Variants in ZMAT4 observed in about 807,000 individuals in gnomAD.
ZMAT4 encodes zinc finger matrin-type protein 4.
ZMAT4 carries 17 observed loss-of-function variants against 28.7 expected under a neutral mutation model. The ratio of observed to expected loss-of-function variants is 0.59; its 90% CI spans 0.41 to 0.89. The LOEUF is 0.89. ZMAT4 is among the 40% of genes least tolerant of loss of function. The probability of loss-of-function intolerance (pLI) is 0.00; values close to 1 mark genes in which losing one functional copy is unlikely to be tolerated. For synonymous variants in ZMAT4, 117 were observed against 109.2 expected (o/e 1.07, Z -0.44); for missense variants, 240 against 283.8 (o/e 0.85, Z 1.11).
At chr8:40,601,613 AGAAAGAAAGAAAGAAAGAAAG>A (rs1563360629) in intron 5 of ZMAT4, among the ~76,000 whole-genome samples, 13 of 25,758 alleles carry the variant, frequency 5.0e-4, no homozygotes, top group Non-Finnish European at 6.7e-4. Context: ...AAAGAAAGAA[AGAAAGAAAGAAAGAAAGAAAG>A]AGAAAGAAAG....
intron 2 of ZMAT4, among the ~76,000 whole-genome samples, chr8:40,796,302 C>T (rs1299511938): frequency 2.0e-5 from 3 of 152,180 alleles, no homozygotes; most frequent in Non-Finnish European, 2.9e-5. Flanking sequence ...CAAGGCATAT[C>T]GCCTGCCATG....
chr8:40,701,887 T>C (rs1563421788), intron 3 of ZMAT4, among the ~76,000 whole-genome samples: 2 of 152,138 alleles, frequency 1.3e-5, no homozygotes, highest in African/African-American at 4.8e-5. Context: ...TTTGCAACTC[T>C]AGATTATATC....
At chr8:40,870,133 G>A (rs1038801568) in intron 1 of ZMAT4, among the ~76,000 whole-genome samples, 1 of 152,208 alleles carries the variant, frequency 6.6e-6, no homozygotes, top group South Asian at 2.1e-4. Flanking sequence ...AATCTGATGA[G>A]TGAATGTATC....
chr8:40,573,446 C>T (rs924173438), intron 6 of ZMAT4, among the ~76,000 whole-genome samples: 1 of 152,146 alleles, frequency 6.6e-6, no homozygotes, highest in Non-Finnish European at 1.5e-5. Flanking sequence ...TGCACTTAGC[C>T]TTCTTCTCTG....
intron 3 of ZMAT4, among the ~76,000 whole-genome samples, chr8:40,698,992 A>T (rs117839854): frequency 5.3e-5 from 8 of 152,246 alleles, no homozygotes; most frequent in Non-Finnish European, 1.2e-4. Context: ...AAGTGCTTTC[A>T]GTTTTCTCCA....
chr8:40,869,814 C>A (rs1177928013), intron 1 of ZMAT4, among the ~76,000 whole-genome samples: 1 of 152,194 alleles, frequency 6.6e-6, no homozygotes, highest in Non-Finnish European at 1.5e-5. Flanking sequence ...TTCCACACAC[C>A]TGAGCACCAT....
intron 1 of ZMAT4, among the ~76,000 whole-genome samples, chr8:40,885,577 T>A (rs958169335): frequency 2.6e-5 from 4 of 152,218 alleles, no homozygotes; most frequent in African/African-American, 9.6e-5. Flanking sequence ...CAGGCTGGAG[T>A]GCAGTGGCAC....
At chr8:40,600,231 C>T (rs1805253298) in intron 5 of ZMAT4, among the ~76,000 whole-genome samples, 1 of 152,172 alleles carries the variant, frequency 6.6e-6, no homozygotes, top group African/African-American at 2.4e-5. Context: ...TTTTGCTTTA[C>T]TTCCATAAAC....
intron 3 of ZMAT4, among the ~76,000 whole-genome samples, chr8:40,758,804 C>T (rs947498220): frequency 6.6e-6 from 1 of 152,106 alleles, no homozygotes; most frequent in Non-Finnish European, 1.5e-5. Context: ...CACAGACTTG[C>T]TAATGCCACA....
intron 4 of ZMAT4, among the ~76,000 whole-genome samples, chr8:40,682,764 G>A (rs542118015): frequency 6.6e-5 from 10 of 152,186 alleles, no homozygotes; most frequent in South Asian, 4.2e-4. Flanking sequence ...TTCATATATC[G>A]TCAGTCTTCG....
At chr8:40,874,001 T>C (rs544422430) in intron 1 of ZMAT4, among the ~76,000 whole-genome samples, 4 of 152,156 alleles carry the variant, frequency 2.6e-5, no homozygotes, top group Non-Finnish European at 5.9e-5. Flanking sequence ...GGGAAGATGA[T>C]GAGTGACTCT....
chr8:40,690,958 A>T, intron 4 of ZMAT4: 1 of 981,998 alleles, frequency 1.0e-6, no homozygotes, highest in Non-Finnish European at 1.2e-6. Flanking sequence ...GCAAATAAGA[A>T]ATACTTGATT....
chr8:40,588,410 A>G (rs1804740400), intron 5 of ZMAT4, among the ~76,000 whole-genome samples: 1 of 152,108 alleles, frequency 6.6e-6, no homozygotes, highest in Non-Finnish European at 1.5e-5. Flanking sequence ...ATATATAATT[A>G]ACTCCTACAA....
At chr8:40,657,938 A>G (rs1807999841) in intron 5 of ZMAT4, among the ~76,000 whole-genome samples, 1 of 152,144 alleles carries the variant, frequency 6.6e-6, no homozygotes, top group South Asian at 2.1e-4. Context: ...GACTTTTGAC[A>G]TTGTCCCACA....
At chr8:40,565,656 G>A (rs574838833) in intron 6 of ZMAT4, among the ~76,000 whole-genome samples, 5 of 151,734 alleles carry the variant, frequency 3.3e-5, no homozygotes, top group Non-Finnish European at 5.9e-5. Context: ...GGGATTACAT[G>A]TGTGAACCAC....
chr8:40,543,957 T>A (rs1376793882), intron 6 of ZMAT4, among the ~76,000 whole-genome samples: 1 of 152,114 alleles, frequency 6.6e-6, no homozygotes, highest in African/African-American at 2.4e-5. Context: ...ACAAGACATG[T>A]CAAGCTGGGT....
intron 2 of ZMAT4, among the ~76,000 whole-genome samples, chr8:40,785,241 A>T (rs1814018137): frequency 6.6e-6 from 1 of 152,196 alleles, no homozygotes; most frequent in Non-Finnish European, 1.5e-5. Context: ...CACTAATTTC[A>T]TCCTATACTG....
chr8:40,848,659 A>G (rs1480773986), intron 1 of ZMAT4, among the ~76,000 whole-genome samples: 5 of 152,136 alleles, frequency 3.3e-5, no homozygotes, highest in Non-Finnish European at 7.4e-5. Flanking sequence ...TAATAACCAC[A>G]TCATCACACT....
rs141624362 is a variant in ZMAT4, at chr8:40,535,754, A to G, written c.675-3516T>C. ...GAAGAAAGAAGAAAGCACTTTGACC[A>G]TGTGAGTTTGAAGGTGGTAGCTAGA... On this transcript the variant is annotated intron_variant, in intron 6 of 6. Transcript: ENST00000297737. Among the ~76,000 whole-genome samples the G allele has an allele frequency of 8.7e-3, 1,329 of 152,274 alleles. 25 individuals are homozygous for G. Among genetic ancestry groups the G allele is most frequent in the African/African-American group, 0.031 (1,286 of 41,540 alleles).
Sources: allele counts gnomAD v4.1 joint callset (sites outside exome capture counted in the v4.1 genomes callset), GRCh38; gene constraint gnomAD v4.1.1; transcripts MANE v1.5; gene names NCBI Gene and HGNC (gene_info 2026-07-23, HGNC 2026-07-21).